Variants in BBX observed in about 807,000 individuals in gnomAD.
BBX encodes BBX high mobility group box domain containing, also known as HMG box transcription factor BBX.
BBX carries 30 observed loss-of-function variants against 100.2 expected under a neutral mutation model. The observed-to-expected ratio is 0.30, with a 90% confidence interval of 0.22 to 0.41. The LOEUF is 0.41. Among genes scored for constraint, BBX ranks in the 10% least tolerant of loss-of-function variants. The pLI is 1.00. For synonymous variants in BBX, 376 were observed against 388.1 expected (o/e 0.97, Z 0.37); for missense variants, 1,023 against 1,129.8 (o/e 0.91, Z 1.35).
intron 2 of BBX, among the ~76,000 whole-genome samples, chr3:107,628,505 T>C (rs1481736085): frequency 6.6e-6 from 1 of 152,078 alleles, no homozygotes; most frequent in East Asian, 1.9e-4. Context: ...GATTAAATAA[T>C]TTTTTTCTCA....
chr3:107,711,699 A>T (rs2061732657), intron 4 of BBX, among the ~76,000 whole-genome samples: 1 of 152,084 alleles, frequency 6.6e-6, no homozygotes, highest in Admixed American at 6.5e-5. Context: ...TCAGAGAAAC[A>T]GGTTTTATTC....
chr3:107,766,188 C>G (rs868354872), intron 10 of BBX, among the ~76,000 whole-genome samples: 6 of 152,302 alleles, frequency 3.9e-5, no homozygotes, highest in South Asian at 2.1e-4. Flanking sequence ...GTCTGTCTGT[C>G]TCTCCACACA....
At chr3:107,598,061 T>C (rs2053789179) in intron 2 of BBX, among the ~76,000 whole-genome samples, 1 of 152,174 alleles carries the variant, frequency 6.6e-6, no homozygotes, top group South Asian at 2.1e-4. Flanking sequence ...GGAAATTGAT[T>C]TACTACCTGT....
chr3:107,546,365 A>T (rs182276133), intron 2 of BBX, among the ~76,000 whole-genome samples: 162 of 152,324 alleles, frequency 1.1e-3, no homozygotes, highest in African/African-American at 3.5e-3. Flanking sequence ...CTTAAGGACC[A>T]TAGTTTTTAT....
intron 10 of BBX, among the ~76,000 whole-genome samples, chr3:107,771,171 A>ACC (rs10679756): frequency 0.041 from 6,250 of 152,260 alleles, 384 homozygotes; most frequent in African/African-American, 0.14. Context: ...CCTCAAAGGC[A>ACC]GACAGACCTG....
chr3:107,754,306 T>A (rs2065305338), intron 9 of BBX, among the ~76,000 whole-genome samples: 1 of 152,192 alleles, frequency 6.6e-6, no homozygotes, highest in Non-Finnish European at 1.5e-5. Flanking sequence ...ATTCAGCATG[T>A]CTAGAAAAGG....
chr3:107,753,906 A>C (rs2065265434), intron 9 of BBX, among the ~76,000 whole-genome samples: 1 of 152,196 alleles, frequency 6.6e-6, no homozygotes, highest in African/African-American at 2.4e-5. Flanking sequence ...AATTTTTGGA[A>C]TTGTACCAAA....
At chr3:107,540,720 T>A (rs538654627) in intron 2 of BBX, among the ~76,000 whole-genome samples, 1 of 152,326 alleles carries the variant, frequency 6.6e-6, no homozygotes, top group East Asian at 1.9e-4. Flanking sequence ...AATGTGGAGT[T>A]TATGATTGAA....
intron 7 of BBX, among the ~76,000 whole-genome samples, chr3:107,734,091 T>A (rs1325357063): frequency 6.6e-6 from 1 of 152,178 alleles, no homozygotes; most frequent in Non-Finnish European, 1.5e-5. Flanking sequence ...TTTTTTACTT[T>A]TTGTTTTTTA....
In BBX at chr3:107,584,672, CTTTTTTTTTTTTTTTTTTTTT is replaced by C. The variant is rs58393281; in HGVS notation, c.-84+58290_-84+58310del. Among the ~76,000 whole-genome samples the C allele has an allele frequency of 3.5e-4, 10 of 28,374 alleles. No individual in the cohort carries two copies. The East Asian group carries it at 4.7e-3, about 13-fold the overall frequency. 18.6% of individuals were successfully genotyped at this position (28,374 alleles called of 152,430 possible). Reference sequence around the variant, plus strand: ...TAAAAAGTGATTTTTCCGTTGAAATCTTTTTTTTTTTTTTTTTTTTTTTTTTTTTTTTTTTTGAGGTGGAGT... The same window carrying C: ...TAAAAAGTGATTTTTCCGTTGAAATCTTTTTTTTTTTTTTTGAGGTGGAGT... On this transcript the variant is annotated intron_variant, in intron 2 of 17. Coordinates refer to ENST00000325805, the MANE Select transcript of BBX (RefSeq NM_001142568.3).
intron 2 of BBX, among the ~76,000 whole-genome samples, chr3:107,566,339 ACTATT>A: frequency 6.6e-6 from 1 of 152,144 alleles, no homozygotes; most frequent in Non-Finnish European, 1.5e-5. Context: ...CTTTTCAAAC[ACTATT>A]CTATTTTTTA....
At chr3:107,655,528 T>C (rs1412639189) in intron 3 of BBX, among the ~76,000 whole-genome samples, 1 of 148,510 alleles carries the variant, frequency 6.7e-6, no homozygotes, top group African/African-American at 2.5e-5. Flanking sequence ...TTTTTTTTTT[T>C]TTTTTTAAGA....
chr3:107,766,344 C>T (rs376666371), intron 10 of BBX, among the ~76,000 whole-genome samples: 2 of 152,074 alleles, frequency 1.3e-5, no homozygotes, highest in African/African-American at 2.4e-5. Flanking sequence ...AGTATGGTAT[C>T]GACTGTTAAG....
At chr3:107,584,051 A>T (rs1328376417) in intron 2 of BBX, among the ~76,000 whole-genome samples, 4 of 32,250 alleles carry the variant, frequency 1.2e-4, no homozygotes, top group Non-Finnish European at 2.3e-4. Flanking sequence ...TATATTATAT[A>T]TATTATATAT....
chr3:107,762,531 A>T (rs1205391120), intron 10 of BBX, among the ~76,000 whole-genome samples: 1 of 152,210 alleles, frequency 6.6e-6, no homozygotes, highest in Non-Finnish European at 1.5e-5. Flanking sequence ...TTATGGGAGA[A>T]ATGCACATCC....
chr3:107,664,957 CT>C (rs1033694341), intron 3 of BBX, among the ~76,000 whole-genome samples: 1 of 152,112 alleles, frequency 6.6e-6, no homozygotes, highest in Non-Finnish European at 1.5e-5. Context: ...GCCAATGATT[CT>C]TTTGGTATCT....
At chr3:107,744,365 C>T (rs2064390674) in intron 7 of BBX, among the ~76,000 whole-genome samples, 1 of 152,082 alleles carries the variant, frequency 6.6e-6, no homozygotes, top group South Asian at 2.1e-4. Flanking sequence ...TGAAATCCTT[C>T]CCTCTCTAAC....
chr3:107,663,279 G>A (rs2058558187), intron 3 of BBX, among the ~76,000 whole-genome samples: 1 of 152,080 alleles, frequency 6.6e-6, no homozygotes, highest in African/African-American at 2.4e-5. Context: ...ACCATTGTCT[G>A]TGTTTATAAT....
At chr3:107,771,082 A>G (rs1315382514) in intron 10 of BBX, among the ~76,000 whole-genome samples, 1 of 152,192 alleles carries the variant, frequency 6.6e-6, no homozygotes, top group Non-Finnish European at 1.5e-5. Flanking sequence ...TTGCTAATAC[A>G]AAGTAGATAA....
Sources: allele counts gnomAD v4.1 joint callset (sites outside exome capture counted in the v4.1 genomes callset), GRCh38; gene constraint gnomAD v4.1.1; transcripts MANE v1.5; gene names NCBI Gene and HGNC (gene_info 2026-07-23, HGNC 2026-07-21).